The following GALNT13 variants were observed in gnomAD, a reference collection of about 807,000 sequenced individuals.
GALNT13 encodes the protein polypeptide N-acetylgalactosaminyltransferase 13.
In GALNT13, 28 loss-of-function variants were observed where a neutral mutation model predicts 64.2. The observed-to-expected ratio is 0.44, with a 90% CI of 0.32 to 0.60. GALNT13 has a LOEUF of 0.60. Ranked by LOEUF, GALNT13 falls within the 20% of genes least tolerant of loss-of-function variation. GALNT13 has a pLI of 0.05. For missense variants in GALNT13, 577 were observed against 669.8 expected (o/e 0.86, Z 1.53); for synonymous variants, 214 against 224.6 (o/e 0.95, Z 0.42).
At chr2:153,274,191 G>A in the GALNT13 span, among the ~76,000 whole-genome samples, 14 of 152,022 alleles carry the variant, frequency 9.2e-5, no homozygotes, top group Non-Finnish European at 1.3e-4. Flanking sequence ...CGACAAGAGC[G>A]AGACTTCATT....
At chr2:153,648,143 G>A in the GALNT13 span, among the ~76,000 whole-genome samples, 1 of 152,036 alleles carries the variant, frequency 6.6e-6, no homozygotes, top group African/African-American at 2.4e-5. Flanking sequence ...TTATTTCATT[G>A]AGCAGTGGTT....
At chr2:153,732,895 G>C in the GALNT13 span, among the ~76,000 whole-genome samples, 3 of 152,018 alleles carry the variant, frequency 2.0e-5, no homozygotes, top group Admixed American at 2.0e-4. Flanking sequence ...CTTATAGGAT[G>C]TCTTGATTTG....
At chr2:154,309,548 C>T (rs973483346) in intron 9 of GALNT13, among the ~76,000 whole-genome samples, 8 of 152,098 alleles carry the variant, frequency 5.3e-5, no homozygotes, top group Non-Finnish European at 1.0e-4. Context: ...TGGGTATGTG[C>T]AAGGAGACCA....
the GALNT13 span, among the ~76,000 whole-genome samples, chr2:153,118,148 C>CACACACACAT: frequency 2.7e-5 from 4 of 145,532 alleles, no homozygotes; most frequent in East Asian, 7.9e-4. Context: ...CACACACACC[C>CACACACACAT]CACATAAACC....
At chr2:153,798,512 T>C in the GALNT13 span, among the ~76,000 whole-genome samples, 24 of 152,296 alleles carry the variant, frequency 1.6e-4, no homozygotes, top group African/African-American at 4.8e-4. Context: ...ACTGACACAA[T>C]AATTGCAAAT....
the GALNT13 span, among the ~76,000 whole-genome samples, chr2:153,547,733 TTA>T: frequency 6.6e-6 from 1 of 151,672 alleles, no homozygotes; most frequent in Non-Finnish European, 1.5e-5. Context: ...ATGAATTAGA[TTA>T]TGAGGATGTT....
chr2:153,759,055 T>A, the GALNT13 span, among the ~76,000 whole-genome samples: 2 of 152,200 alleles, frequency 1.3e-5, no homozygotes, highest in Non-Finnish European at 2.9e-5. Context: ...TTATTCTTAG[T>A]AGCTGCTGTA....
the GALNT13 span, among the ~76,000 whole-genome samples, chr2:153,213,719 C>A: frequency 6.6e-6 from 1 of 152,070 alleles, no homozygotes; most frequent in Non-Finnish European, 1.5e-5. Flanking sequence ...TTTTTTAGTT[C>A]TCTGAGCCTC....
At chr2:154,111,172 A>G (rs778158060) in intron 3 of GALNT13, among the ~76,000 whole-genome samples, 1 of 152,116 alleles carries the variant, frequency 6.6e-6, no homozygotes, top group Non-Finnish European at 1.5e-5. Context: ...CCCATTCTGT[A>G]TTCTATTTGC....
At chr2:153,193,341 C>T in the GALNT13 span, among the ~76,000 whole-genome samples, 6 of 150,030 alleles carry the variant, frequency 4.0e-5, no homozygotes, top group Admixed American at 1.3e-4. Context: ...TAAACTATCG[C>T]AAGAACAAAA....
chr2:154,302,278 A>T (rs1176124025), intron 9 of GALNT13, among the ~76,000 whole-genome samples: 1 of 152,148 alleles, frequency 6.6e-6, no homozygotes, highest in Non-Finnish European at 1.5e-5. Context: ...CAATAGCTAC[A>T]TTACTTAAAA....
At chr2:153,975,702 G>C (rs1694032715) in intron 3 of GALNT13, among the ~76,000 whole-genome samples, 1 of 152,038 alleles carries the variant, frequency 6.6e-6, no homozygotes. Flanking sequence ...TTGGCCAAAA[G>C]AACCAAAGTT....
At chr2:153,372,929 G>C in the GALNT13 span, among the ~76,000 whole-genome samples, 1 of 152,058 alleles carries the variant, frequency 6.6e-6, no homozygotes, top group East Asian at 1.9e-4. Flanking sequence ...TATGGACATC[G>C]TTCATTGACT....
the GALNT13 span, among the ~76,000 whole-genome samples, chr2:153,329,007 A>G: frequency 6.6e-6 from 1 of 152,016 alleles, no homozygotes; most frequent in African/African-American, 2.4e-5. Context: ...TCTGGGCTGG[A>G]TAGCTTCATC....
At chr2:154,191,352 G>A (rs1475891656) in intron 4 of GALNT13, among the ~76,000 whole-genome samples, 1 of 152,100 alleles carries the variant, frequency 6.6e-6, no homozygotes, top group African/African-American at 2.4e-5. Context: ...GATGTATTTA[G>A]ACTTTAGACT....
intron 2 of GALNT13, among the ~76,000 whole-genome samples, chr2:153,901,589 T>C (rs1160914319): frequency 4.6e-5 from 7 of 152,130 alleles, no homozygotes; most frequent in African/African-American, 1.4e-4. Flanking sequence ...GATTGTGTTC[T>C]CGTTTTGCTG....
the GALNT13 span, among the ~76,000 whole-genome samples, chr2:153,596,616 T>G: frequency 6.6e-6 from 1 of 152,108 alleles, no homozygotes; most frequent in African/African-American, 2.4e-5. Flanking sequence ...TAACCTCAAT[T>G]TAATCTCTCT....
the GALNT13 span, among the ~76,000 whole-genome samples, chr2:153,325,720 G>T: frequency 2.0e-5 from 3 of 152,174 alleles, no homozygotes; most frequent in African/African-American, 7.2e-5. Flanking sequence ...TGGTTTCAAA[G>T]AACTTATTTA....
chr2:153,149,003 T>C, the GALNT13 span, among the ~76,000 whole-genome samples: 1 of 151,864 alleles, frequency 6.6e-6, no homozygotes, highest in South Asian at 2.1e-4. Context: ...CAAGCTCTGA[T>C]TCATACAGGA....
Sources: gnomAD v4.1 joint callset for allele counts (sites outside exome capture counted in the v4.1 genomes callset) on GRCh38, gnomAD v4.1.1 for gene constraint, MANE v1.5 for transcripts, NCBI Gene and HGNC (gene_info 2026-07-23, HGNC 2026-07-21) for gene names.